Variants in GLI3 observed in about 807,000 individuals in gnomAD.
GLI3 encodes the protein transcription activator GLI3.
Under a neutral mutation model 100.8 loss-of-function variants are expected in GLI3, and 20 were observed. The ratio of observed to expected loss-of-function variants is 0.20; its 90% CI spans 0.14 to 0.29. The LOEUF (loss-of-function observed/expected upper bound fraction) is 0.29. GLI3 is among the 10% of genes least tolerant of loss of function. The probability of loss-of-function intolerance (pLI) is 1.00; values close to 1 mark genes in which losing one functional copy is unlikely to be tolerated. For synonymous variants in GLI3, 938 were observed against 860.5 expected (o/e 1.09, Z -1.58); for missense variants, 2,040 against 2,128.5 (o/e 0.96, Z 0.82).
chr7:42,056,574 C>T (rs757883686), intron 4 of GLI3, among the ~76,000 whole-genome samples: 1 of 152,078 alleles, frequency 6.6e-6, no homozygotes, highest in Non-Finnish European at 1.5e-5. Flanking sequence ...AATTTAAAGG[C>T]TAAGGCTGAT....
At chr7:42,051,647 A>G (rs998300974) in intron 4 of GLI3, among the ~76,000 whole-genome samples, 8 of 152,222 alleles carry the variant, frequency 5.3e-5, no homozygotes, top group Admixed American at 5.2e-4. Flanking sequence ...GTGATTTCAA[A>G]TATTGAAATA....
chr7:42,228,482 G>A (rs950345695), intron 1 of GLI3, among the ~76,000 whole-genome samples: 6 of 152,210 alleles, frequency 3.9e-5, no homozygotes, highest in Non-Finnish European at 8.8e-5. Context: ...GCGTATCAGA[G>A]TGGTCACCCT....
chr7:42,230,145 ATCT>A (rs1167165886), intron 1 of GLI3, among the ~76,000 whole-genome samples: 1 of 149,874 alleles, frequency 6.7e-6, no homozygotes, highest in Non-Finnish European at 1.5e-5. Context: ...TCTTAATGAA[ATCT>A]TCATTAATTT....
intron 10 of GLI3, among the ~76,000 whole-genome samples, chr7:42,016,945 C>T (rs902274388): frequency 6.6e-6 from 1 of 152,212 alleles, no homozygotes; most frequent in African/African-American, 2.4e-5. Context: ...TCCTCCCAGT[C>T]AGACTGTCCA....
In GLI3 at chr7:42,098,051, G is replaced by A. The variant is rs935244660; in HGVS notation, c.368-21194C>T. ...GCAATAAGCCCAATGACTCACAGTT[G>A]AAAAGTGGAAGAGTGAGGACCTAAA... On this transcript the variant is annotated intron_variant, in intron 3 of 14. Transcript: ENST00000395925. Among the ~76,000 whole-genome samples, 4 of 152,222 alleles carry A rather than the reference G, an allele frequency of 2.6e-5. No individual in the cohort carries two copies. In the East Asian group the frequency reaches 7.7e-4, roughly 29 times the overall value.
chr7:42,240,646 A>G (rs1788915178), upstream of GLI3, among the ~76,000 whole-genome samples: 1 of 152,172 alleles, frequency 6.6e-6, no homozygotes, highest in Admixed American at 6.5e-5. Flanking sequence ...AGCACGAGTT[A>G]TATTCTGTTA....
intron 10 of GLI3, among the ~76,000 whole-genome samples, chr7:42,012,205 T>C (rs1230591893): frequency 6.6e-6 from 1 of 152,226 alleles, no homozygotes; most frequent in Non-Finnish European, 1.5e-5. Context: ...CTAATAGCCA[T>C]TTTTATTTAA....
intron 2 of GLI3, among the ~76,000 whole-genome samples, chr7:42,174,635 A>T (rs1787442701): frequency 6.6e-6 from 1 of 152,210 alleles, no homozygotes; most frequent in Non-Finnish European, 1.5e-5. Flanking sequence ...CAACTGAAGC[A>T]CATTTCGGTT....
chr7:42,164,062 C>A (rs551473111), intron 2 of GLI3, among the ~76,000 whole-genome samples: 1 of 152,134 alleles, frequency 6.6e-6, no homozygotes, highest in Non-Finnish European at 1.5e-5. Context: ...AAATTCATTG[C>A]TAGAAAAACA....
intron 2 of GLI3, among the ~76,000 whole-genome samples, chr7:42,162,274 T>C (rs962861617): frequency 6.6e-6 from 1 of 152,182 alleles, no homozygotes; most frequent in African/African-American, 2.4e-5. Context: ...GTTCAAATTT[T>C]CAAAGAGGCT....
In GLI3 at chr7:41,966,497, A is replaced by T; in HGVS notation, c.2576T>A (p.Leu859Gln). Residue 859 changes from leucine (L) to glutamine (Q), a missense_variant, in exon 15 of 15, where the codon CTG becomes CAG. Transcript: ENST00000395925. This position sits in a 1 kb window ranked among gnomAD's most constrained non-coding sequence, Gnocchi z 5.8. Reference protein sequence around the residue: ...SSASTISSAYLSSRRSSGISP... With the variant: ...SSASTISSAYQSSRRSSGISP... Reference sequence around the variant, plus strand: ...GATCCCTGAGGAGCGGCGGCTGCTCAGGTAGGCCGAGCTGATGGTGCTGGC... The same window carrying T: ...GATCCCTGAGGAGCGGCGGCTGCTCTGGTAGGCCGAGCTGATGGTGCTGGC... 1 of 1,613,434 alleles carries T rather than the reference A, an allele frequency of 6.2e-7. No individual in the cohort carries two copies. The highest frequency in any genetic ancestry group is 8.5e-7 in the Non-Finnish European group (1 of 1,179,922).
rs984974116 is a variant in GLI3 at position 42,001,959 on chromosome 7, T to C, written c.1497+21509A>G. On this transcript the variant is annotated intron_variant, in intron 10 of 14. Transcript: ENST00000395925. ...CCACAATTAGAAATCATGCATTTAA[T>C]TATGTGTTCATTAAATGTATAAGCA... Among the ~76,000 whole-genome samples the C allele has an allele frequency of 1.4e-4, 21 of 152,262 alleles. 3 individuals are homozygous for C. In the South Asian group the frequency reaches 4.4e-3, roughly 32 times the overall value.
chr7:42,025,540 T>C (rs1789088388), intron 8 of GLI3, among the ~76,000 whole-genome samples, 163 bp from the exon 9 acceptor site: 1 of 152,244 alleles, frequency 6.6e-6, no homozygotes, highest in African/African-American at 2.4e-5. Context: ...TCAGATAGTA[T>C]GTTCAAAGCT....
At chr7:42,081,010 C>T (rs989424264) in intron 3 of GLI3, among the ~76,000 whole-genome samples, 1 of 152,192 alleles carries the variant, frequency 6.6e-6, no homozygotes, top group Non-Finnish European at 1.5e-5. Context: ...TGCCCCTTGA[C>T]AAAACACCAC....
intron 10 of GLI3, among the ~76,000 whole-genome samples, chr7:42,000,585 C>G (rs2128721605): frequency 1.3e-5 from 2 of 151,504 alleles, no homozygotes; most frequent in Admixed American, 1.3e-4. Flanking sequence ...AATTGAAAAA[C>G]AATCAGAAAA....
chr7:42,111,335 C>G (rs924921309), intron 3 of GLI3, among the ~76,000 whole-genome samples: 9 of 152,136 alleles, frequency 5.9e-5, no homozygotes, highest in Non-Finnish European at 8.8e-5. Flanking sequence ...TGAGAGTGTT[C>G]TCATAGGTGC....
chr7:42,113,650 A>G, intron 3 of GLI3: 1 of 832,254 alleles, frequency 1.2e-6, no homozygotes, highest in Non-Finnish European at 2.1e-6. Flanking sequence ...ATAACTGTGT[A>G]CTTCTGATGA....
chr7:42,173,544 T>C (rs1787420211), intron 2 of GLI3, among the ~76,000 whole-genome samples: 1 of 152,178 alleles, frequency 6.6e-6, no homozygotes, highest in Admixed American at 6.5e-5. Context: ...GTCATTTTTT[T>C]CCTGTATTTT....
intron 2 of GLI3, among the ~76,000 whole-genome samples, chr7:42,216,535 T>C (rs182802062): frequency 1.7e-4 from 26 of 152,332 alleles, no homozygotes; most frequent in African/African-American, 5.8e-4. Context: ...GTAACAAATG[T>C]ACCACATTAA....
Sources: gnomAD v4.1 joint callset for allele counts (sites outside exome capture counted in the v4.1 genomes callset) on GRCh38, gnomAD v4.1.1 for gene constraint, Gnocchi (gnomAD v3.1) non-coding constraint, MANE v1.5 for transcripts, NCBI Gene and HGNC (gene_info 2026-07-23, HGNC 2026-07-21) for gene names.